MIGA2: variants seen among roughly 807,000 people sequenced by gnomAD.
MIGA2 encodes mitoguardin 2.
Under a neutral mutation model 69.9 loss-of-function variants are expected in MIGA2, and 36 were observed. The ratio of observed to expected loss-of-function variants is 0.52; its 90% CI spans 0.39 to 0.68. The LOEUF (loss-of-function observed/expected upper bound fraction) is 0.68, where lower values mean the gene tolerates loss of function less well. Among genes scored for constraint, MIGA2 ranks in the 30% least tolerant of loss-of-function variants. The probability of loss-of-function intolerance (pLI) is 0.00; values close to 1 mark genes in which losing one functional copy is unlikely to be tolerated. For synonymous variants in MIGA2, 333 were observed against 349.2 expected, an observed-to-expected ratio of 0.95 and a Z score of 0.52; for missense variants, 660 against 787.7, an observed-to-expected ratio of 0.84 and a Z score of 1.94.
intron 6 of MIGA2, among the ~76,000 whole-genome samples, chr9:129,052,510 C>A (rs901376926): frequency 6.6e-6 from 1 of 152,054 alleles, no homozygotes; most frequent in African/African-American, 2.4e-5. Context: ...GGCACGGTGC[C>A]TCACACCTGT....
Position 129,068,083 on chromosome 9 carries a change from C to G in MIGA2, c.1270-115C>G, listed in dbSNP as rs770254513. On this transcript the variant is annotated intron_variant, in intron 12 of 15. Coordinates refer to ENST00000684074, the MANE Select transcript of MIGA2 (RefSeq NM_001329990.2). The surrounding 1 kb of genome is among the most constrained non-coding windows in gnomAD (Gnocchi z 4.1). The stretch of plus-strand genomic sequence containing the variant: ...GCACAGCAGAGCGGGAAAGACGTGT[C>G]CCCCCCACGTGTGCTCATGCCCTGG... 48 of 1,426,504 alleles carry G rather than the reference C, an allele frequency of 3.4e-5. No homozygotes were observed. In the Middle Eastern group the frequency reaches 3.2e-3, roughly 94 times the overall value. 88.4% of individuals were successfully genotyped at this position (1,426,504 alleles called of 1,614,324 possible). A position where few individuals can be genotyped will look rare whatever the true frequency, so the allele number is the denominator to read the frequency against.
At chr9:129,066,231 G>A (rs191714340) in intron 11 of MIGA2, among the ~76,000 whole-genome samples, 2 of 152,152 alleles carry the variant, frequency 1.3e-5, no homozygotes, top group Non-Finnish European at 2.9e-5. Flanking sequence ...CAGGTGGCCC[G>A]GACCCAGCCT....
chr9:129,051,284 A>ATTTATTTT (rs1845521250), intron 6 of MIGA2: 1 of 157,126 alleles, frequency 6.4e-6, no homozygotes, highest in African/African-American at 2.7e-5. Flanking sequence ...TTATTTATTT[A>ATTTATTTT]TTTTTTTTTT....
rs558498898 is a variant in MIGA2 at position 129,043,022 on chromosome 9, G to A, written c.307+508G>A. On this transcript the variant is annotated intron_variant, in intron 3 of 15. Coordinates refer to ENST00000684074, the MANE Select transcript of MIGA2 (RefSeq NM_001329990.2). ...ATCCTGAATAACACGGTGAAACCCC[G>A]TCTCTACTAAAAATACAAAAAATTA... 5.9e-5 allele frequency among the ~76,000 whole-genome samples: 9 copies of A among 152,088 alleles called. No individual in the cohort carries two copies. In the South Asian group the frequency reaches 1.0e-3, roughly 18 times the overall value.
chr9:129,055,080 CTTTT>C (rs112156716), intron 6 of MIGA2, among the ~76,000 whole-genome samples: 1 of 122,866 alleles, frequency 8.1e-6, no homozygotes, highest in Non-Finnish European at 1.7e-5. Context: ...TTTTTCTTTT[CTTTT>C]TTTTTTTTTT....
rs776120671 is a variant in MIGA2, at chr9:129,049,486, C to T, written c.526C>T (p.Leu176=). 1.6e-5 allele frequency: 26 copies of T among 1,613,278 alleles called. No individual in the cohort carries two copies. Among genetic ancestry groups the T allele is most frequent in the Non-Finnish European group, 2.2e-5 (26 of 1,179,840 alleles). Residue 176 remains leucine, a synonymous_variant, in exon 5 of 16, where the codon CTG becomes TTG. Coordinates refer to ENST00000684074, the MANE Select transcript of MIGA2 (RefSeq NM_001329990.2). The stretch of plus-strand genomic sequence containing the variant: ...CACCAGCGACGGCAATGCAGAGAGC[C>T]TGTACATGCAAGGTGTGGCCAGGAG... ...LTTSDGNAES[L]YMQGMELFEE...
chr9:129,066,408 C>T (rs1417529072), intron 11 of MIGA2, among the ~76,000 whole-genome samples: 5 of 152,194 alleles, frequency 3.3e-5, no homozygotes, highest in African/African-American at 4.8e-5. Context: ...GGCGCAGTGG[C>T]TCACGCCTGT....
intron 5 of MIGA2, 98 bp from the exon 6 acceptor site, chr9:129,049,729 G>C: frequency 6.3e-7 from 1 of 1,583,678 alleles, no homozygotes; most frequent in South Asian, 1.1e-5. Context: ...CCCAGTTCTT[G>C]CCCTTCAAGG....
At chr9:129,051,875 G>A (rs1352136803) in intron 6 of MIGA2, among the ~76,000 whole-genome samples, 1 of 148,030 alleles carries the variant, frequency 6.8e-6, no homozygotes, top group Non-Finnish European at 1.5e-5. Flanking sequence ...GCCCAGGCTG[G>A]TGTCCAGTGG....
At position 129,059,498 on chromosome 9, in the gene MIGA2, C is replaced by T. The variant is rs2131376653; in HGVS notation, c.793+227C>T. Among the ~76,000 whole-genome samples the T allele has an allele frequency of 6.6e-6, 1 of 152,270 alleles. No individual in the cohort carries two copies. The highest frequency in any genetic ancestry group is 1.5e-5 in the Non-Finnish European group (1 of 68,012). On this transcript the variant is annotated intron_variant, in intron 7 of 15. Transcript: ENST00000684074. This position sits in a 1 kb window ranked among gnomAD's most constrained non-coding sequence, Gnocchi z 5.6. The stretch of plus-strand genomic sequence containing the variant: ...CAGAGCTGAGGTGAGGCCCAGAATC[C>T]CCAGCAAGTGCACCTGGCTCCATCC...
chr9:129,063,940 C>T (rs772630368), intron 11 of MIGA2, among the ~76,000 whole-genome samples: 6 of 152,196 alleles, frequency 3.9e-5, no homozygotes, highest in Non-Finnish European at 8.8e-5. Flanking sequence ...GGCCTCCATT[C>T]CCTGATGGAG....
chr9:129,050,573 GT>G (rs1299209059), intron 6 of MIGA2, among the ~76,000 whole-genome samples: 157 of 114,718 alleles, frequency 1.4e-3, no homozygotes, highest in Middle Eastern at 7.6e-3. Context: ...GTACCCAGCT[GT>G]TTTTTTTTTT....
chr9:129,064,940 G>A (rs979984290), intron 11 of MIGA2, among the ~76,000 whole-genome samples: 7 of 151,824 alleles, frequency 4.6e-5, no homozygotes, highest in Admixed American at 2.6e-4. Flanking sequence ...GTGTCACCGC[G>A]CCTGGCTAAT....
Position 129,068,540 on chromosome 9 carries a change from C to T in MIGA2, c.1404+208C>T. 1 of 596,536 alleles carries T rather than the reference C, an allele frequency of 1.7e-6. No individual in the cohort carries two copies. Among genetic ancestry groups the T allele is most frequent in the Non-Finnish European group, 2.9e-6 (1 of 341,336 alleles). The allele number at this position is 596,536 out of a possible 1,614,324, so 37.0% of individuals were successfully genotyped here. ...GCCTGGTGCCCCAGTTTAGAACCAACATGGTGTGCGCTTTCTTCCTATTGT... is the reference window on the plus strand; with the variant it reads ...GCCTGGTGCCCCAGTTTAGAACCAATATGGTGTGCGCTTTCTTCCTATTGT... On this transcript the variant is annotated intron_variant, in intron 13 of 15. Transcript: ENST00000684074. This position sits in a 1 kb window ranked among gnomAD's most constrained non-coding sequence, Gnocchi z 4.1.
intron 11 of MIGA2, 96 bp from the exon 12 acceptor site, chr9:129,067,677 G>T (rs1829527155): frequency 1.8e-6 from 2 of 1,115,250 alleles, no homozygotes; most frequent in Non-Finnish European, 2.6e-6. Flanking sequence ...GTGGGGATGG[G>T]CCCCAGCCGT....
chr9:129,054,931 G>A (rs929827494), intron 6 of MIGA2, among the ~76,000 whole-genome samples: 1 of 152,076 alleles, frequency 6.6e-6, no homozygotes, highest in African/African-American at 2.4e-5. Flanking sequence ...TCGCTCTGTC[G>A]CCCTGGCTGG....
chr9:129,050,007 G>T, intron 6 of MIGA2, 44 bp downstream of exon 6: 1 of 1,581,144 alleles, frequency 6.3e-7, no homozygotes. Context: ...GGATAAAGTT[G>T]GCAGCACAGG....
chr9:129,063,815 A>G (rs1318394706), intron 11 of MIGA2, among the ~76,000 whole-genome samples, 184 bp downstream of exon 11: 1 of 152,096 alleles, frequency 6.6e-6, no homozygotes, highest in Non-Finnish European at 1.5e-5. Flanking sequence ...CCTACTTACC[A>G]TCCCGCAGTT....
chr9:129,050,065 G>C, intron 6 of MIGA2, 102 bp downstream of exon 6: 1 of 1,442,922 alleles, frequency 6.9e-7, no homozygotes, highest in Non-Finnish European at 9.3e-7. Context: ...TGTCCTCTGA[G>C]ACTGCTGATT....
Sources: gnomAD v4.1 joint callset for allele counts (sites outside exome capture counted in the v4.1 genomes callset) on GRCh38, gnomAD v4.1.1 for gene constraint, Gnocchi (gnomAD v3.1) non-coding constraint, MANE v1.5 for transcripts, NCBI Gene and HGNC (gene_info 2026-07-23, HGNC 2026-07-21) for gene names.